CNTN5: variants seen among roughly 807,000 people sequenced by gnomAD.
CNTN5 encodes contactin 5, also known as contactin-5.
CNTN5 carries 77 observed loss-of-function variants against 129.1 expected under a neutral mutation model. The ratio of observed to expected loss-of-function variants is 0.60; its 90% CI spans 0.50 to 0.72. The LOEUF (loss-of-function observed/expected upper bound fraction) is 0.72. CNTN5 is among the 30% of genes least tolerant of loss of function. The pLI is 0.00. For missense variants in CNTN5, 1,478 were observed against 1,328.8 expected, an observed-to-expected ratio of 1.11 and a Z score of -1.75; for synonymous variants, 509 against 465.6, an observed-to-expected ratio of 1.09 and a Z score of -1.20.
At chr11:100,285,897 G>A (rs677076) in intron 18 of CNTN5, among the ~76,000 whole-genome samples, 10,249 of 152,194 alleles carry the variant, frequency 0.067, 468 homozygotes, top group African/African-American at 0.14. Context: ...CAGTGGGTGC[G>A]CGCACCGTGC....
chr11:100,352,037 G>A (rs1038402640), intron 24 of CNTN5, among the ~76,000 whole-genome samples: 1 of 151,542 alleles, frequency 6.6e-6, no homozygotes, highest in Admixed American at 6.6e-5. Context: ...TAAGTTCAGG[G>A]GTACATGTGC....
chr11:99,190,749 C>A (rs117131536), intron 1 of CNTN5, among the ~76,000 whole-genome samples: 1,880 of 151,626 alleles, frequency 0.012, 21 homozygotes, highest in Non-Finnish European at 0.021. Flanking sequence ...TATCCTGCAA[C>A]TTTACTGAAT....
At chr11:100,086,419 G>A (rs1413147606) in intron 13 of CNTN5, among the ~76,000 whole-genome samples, 2 of 150,074 alleles carry the variant, frequency 1.3e-5, no homozygotes, top group Non-Finnish European at 3.0e-5. Context: ...ACCAGTAAAA[G>A]CATTGAAATA....
At chr11:100,068,320 G>A (rs1197247439) in intron 10 of CNTN5, among the ~76,000 whole-genome samples, 2 of 152,098 alleles carry the variant, frequency 1.3e-5, no homozygotes, top group Non-Finnish European at 2.9e-5. Context: ...AGAACTACAG[G>A]TGTCCAGAGG....
At chr11:99,931,159 A>T (rs1413882781) in intron 7 of CNTN5, among the ~76,000 whole-genome samples, 1 of 152,166 alleles carries the variant, frequency 6.6e-6, no homozygotes, top group Non-Finnish European at 1.5e-5. Flanking sequence ...TGCAGAGATC[A>T]TTTTAAAAAT....
rs947746580 is a variant in CNTN5 at position 99,642,456 on chromosome 11, A to G, written c.55+86187A>G. On this transcript the variant is annotated intron_variant, in intron 3 of 24. Coordinates refer to ENST00000524871, the MANE Select transcript of CNTN5 (RefSeq NM_014361.4). The stretch of plus-strand genomic sequence containing the variant: ...TAAGCTTTTTTTATTGATCTTTTTC[A>G]TTGTTTACTTTGTATTTTGTCATTA... 5.9e-5 allele frequency among the ~76,000 whole-genome samples: 9 copies of G among 152,114 alleles called. No homozygotes were observed. The South Asian group carries it at 1.7e-3, about 28-fold the overall frequency.
chr11:99,563,080 G>A (rs1489474647), intron 3 of CNTN5, among the ~76,000 whole-genome samples: 2 of 152,104 alleles, frequency 1.3e-5, no homozygotes, highest in East Asian at 1.9e-4. Context: ...GGAAGTACAG[G>A]CTGAAAAGAA....
intron 2 of CNTN5, among the ~76,000 whole-genome samples, chr11:99,388,753 G>A (rs1025574786): frequency 6.6e-6 from 1 of 152,100 alleles, no homozygotes; most frequent in Non-Finnish European, 1.5e-5. Context: ...GGCTAAATCT[G>A]CAGTTAGAAT....
intron 9 of CNTN5, among the ~76,000 whole-genome samples, chr11:100,007,308 C>T (rs1338566349): frequency 1.3e-5 from 2 of 152,050 alleles, no homozygotes; most frequent in African/African-American, 2.4e-5. Flanking sequence ...GAAAGTTAGC[C>T]TGTCCTTTGA....
intron 2 of CNTN5, among the ~76,000 whole-genome samples, chr11:99,444,102 G>A (rs1004246009): frequency 3.9e-5 from 6 of 152,100 alleles, no homozygotes; most frequent in African/African-American, 9.6e-5. Flanking sequence ...GGAGGGTTGA[G>A]GTACGAGAAT....
chr11:100,201,986 T>G (rs2186705), intron 15 of CNTN5, among the ~76,000 whole-genome samples: 124,750 of 151,970 alleles, frequency 0.82, 51,222 homozygotes, highest in East Asian at 0.9. Context: ...CAGAATTACA[T>G]CTCTCACCTG....
intron 8 of CNTN5, among the ~76,000 whole-genome samples, chr11:99,968,595 G>A (rs1260405801): frequency 1.5e-5 from 2 of 136,562 alleles, no homozygotes; most frequent in East Asian, 4.5e-4. Flanking sequence ...CAAAGCCACT[G>A]TTATTTCCTG....
intron 18 of CNTN5, among the ~76,000 whole-genome samples, chr11:100,286,111 ACGGAGTCTCGCT>A (rs1950782234): frequency 6.6e-6 from 1 of 152,200 alleles, no homozygotes; most frequent in African/African-American, 2.4e-5. Flanking sequence ...TCCTACGCCC[ACGGAGTCTCGCT>A]GATTGCTAGC....
rs1945634072 is a variant in CNTN5, at chr11:99,788,883, T to C, written c.56-30661T>C. On this transcript the variant is annotated intron_variant, in intron 3 of 24. Coordinates refer to ENST00000524871, the MANE Select transcript of CNTN5 (RefSeq NM_014361.4). ...TTATTAAGGGGGCTCAATTTCAGAT[T>C]TCATCAGCACAGCTCTTTCAACAGT... 1.3e-5 allele frequency among the ~76,000 whole-genome samples: 2 copies of C among 151,936 alleles called. 1 individual carries two copies. Among genetic ancestry groups the C allele is most frequent in the South Asian group, 4.1e-4 (2 of 4,830 alleles).
intron 1 of CNTN5, among the ~76,000 whole-genome samples, chr11:99,190,061 T>A (rs995949750): frequency 6.6e-6 from 1 of 151,652 alleles, no homozygotes; most frequent in African/African-American, 2.4e-5. Context: ...TTTTAACTTA[T>A]TTGAGTTGAT....
rs1331927137 is a variant in CNTN5, at chr11:99,632,578, A to C, written c.55+76309A>C. 2.6e-5 allele frequency among the ~76,000 whole-genome samples: 4 copies of C among 152,156 alleles called. No individual in the cohort carries two copies. In the East Asian group the frequency reaches 7.7e-4, roughly 29 times the overall value. On this transcript the variant is annotated intron_variant, in intron 3 of 24. Transcript: ENST00000524871. ...AAATTGATTTTTACTCTAATACTGC[A>C]GGCTTGTGGCCTGAACTCATGGCTT... is the stretch of plus-strand genomic sequence containing the variant.
In CNTN5 at chr11:99,213,065, C is replaced by T. The variant is rs373612813; in HGVS notation, c.-209-112281C>T. Among the ~76,000 whole-genome samples the T allele has an allele frequency of 8.6e-5, 13 of 151,694 alleles. No homozygotes were observed. In the South Asian group the frequency reaches 2.7e-3, roughly 32 times the overall value. The stretch of plus-strand genomic sequence containing the variant: ...AATTAGCTGGGCGTGGTGGCACACA[C>T]CTGTAGTCTGAGCTACTTGGGAAGT... On this transcript the variant is annotated intron_variant, in intron 1 of 24. Coordinates refer to ENST00000524871, the MANE Select transcript of CNTN5 (RefSeq NM_014361.4).
intron 1 of CNTN5, among the ~76,000 whole-genome samples, chr11:99,105,306 T>C (rs1366506537): frequency 6.6e-6 from 1 of 152,144 alleles, no homozygotes; most frequent in Non-Finnish European, 1.5e-5. Flanking sequence ...ACAGATGACA[T>C]AAGGGAACTA....
intron 21 of CNTN5, chr11:100,337,227 T>A (rs1311262220): frequency 6.5e-6 from 10 of 1,541,374 alleles, no homozygotes; most frequent in African/African-American, 2.7e-5. Flanking sequence ...CAGAAACATA[T>A]GTGAAAGTGG....
Sources: gnomAD v4.1 joint callset for allele counts (sites outside exome capture counted in the v4.1 genomes callset) on GRCh38, gnomAD v4.1.1 for gene constraint, MANE v1.5 for transcripts, NCBI Gene and HGNC (gene_info 2026-07-23, HGNC 2026-07-21) for gene names.